PTPRC: variants seen among roughly 807,000 people sequenced by gnomAD.
The protein encoded by PTPRC is receptor-type tyrosine-protein phosphatase C.
A neutral mutation model predicts 155.9 loss-of-function variants in PTPRC; 44 were observed. The ratio of observed to expected loss-of-function variants is 0.28; its 90% CI spans 0.22 to 0.36. PTPRC has a LOEUF of 0.36. Among genes scored for constraint, PTPRC ranks in the 10% least tolerant of loss-of-function variants. The pLI is 1.00. For missense variants in PTPRC, 1,401 were observed against 1,564.6 expected (o/e 0.90, Z 1.76); for synonymous variants, 525 against 533.1 (o/e 0.98, Z 0.21).
In PTPRC at chr1:198,732,348, C is replaced by T. The variant is rs1558028673; in HGVS notation, c.2023C>T (p.Pro675Ser). ...GTTTCCTATAAAGGAAGCTCGAAAG[C>T]CCTTTAACCAGAATAAAAACCGTTA... Reference protein sequence around the residue: ...SKFPIKEARKPFNQNKNRYVD... With the variant: ...SKFPIKEARKSFNQNKNRYVD... Residue 675 changes from proline to serine, a missense_variant, in exon 19 of 33, where the codon CCC (proline) becomes TCC (serine). This residue lies in a region of PTPRC where 867 missense variants were observed against 970.4 expected (regional missense o/e 0.89). Transcript: ENST00000442510. The T allele has an allele frequency of 1.9e-6, 3 of 1,612,590 alleles. No homozygotes were observed. In the African/African-American group the frequency reaches 4.0e-5, roughly 22 times the overall value.
intron 3 of PTPRC, chr1:198,695,129 C>T (rs1666131809): frequency 1.1e-6 from 1 of 899,138 alleles, no homozygotes; most frequent in African/African-American, 1.8e-5. Context: ...TAAAAATTAA[C>T]TTTAGCTTTG....
At position 198,706,884 on chromosome 1, in the gene PTPRC, C is replaced by T. The variant is rs369888892; in HGVS notation, c.836C>T (p.Ala279Val). ...EVHNLTECKN[A>V]SVSISHNSCT... The stretch of plus-strand genomic sequence containing the variant: ...CATAACCTTACAGAATGTAAAAATG[C>T]GTCTGTTTCCATATCTCATAATTCA... The change falls in exon 9 of 33, where the codon GCG becomes GTG. Residue 279 changes from alanine to valine, a missense_variant. Ala to Val is a moderately conservative substitution (Grantham distance 64, BLOSUM62 0). Around this residue, in one of 3 missense-constraint regions of PTPRC, gnomAD observed 867 missense variants for 970.4 expected, o/e 0.89. Transcript: ENST00000442510. 2.1e-5 allele frequency: 34 copies of T among 1,613,242 alleles called. No individual in the cohort carries two copies. Among genetic ancestry groups the T allele is most frequent in the African/African-American group, 1.2e-4 (9 of 74,900 alleles).
At chr1:198,708,364 C>G in intron 10 of PTPRC, 103 bp downstream of exon 10, 1 of 1,129,244 alleles carries the variant, frequency 8.9e-7, no homozygotes, top group Non-Finnish European at 1.3e-6. Context: ...CTCCCTGCCT[C>G]TCTTGTTCTC....
rs1279234983 is a variant in PTPRC, at chr1:198,687,491, TA to T, written c.74-4853del. On this transcript the variant is annotated intron_variant, in intron 2 of 32. Coordinates refer to ENST00000442510, the MANE Select transcript of PTPRC (RefSeq NM_002838.5). ...AGATATTTGGTTTTATAGTTTTCTC[TA>T]AATAGTTAAGTACCTTCACCTACTC... is the stretch of plus-strand genomic sequence containing the variant. Among the ~76,000 whole-genome samples, 21 of 152,284 alleles carry T rather than the reference TA, an allele frequency of 1.4e-4. 1 individual carries two copies. Among genetic ancestry groups the T allele is most frequent in the Non-Finnish European group, 2.5e-4 (17 of 68,018 alleles).
In PTPRC at chr1:198,718,278, A is replaced by C; in HGVS notation, c.1635A>C (p.Gln545His). The change falls in exon 14 of 33, where the codon CAA becomes CAC. Residue 545 changes from glutamine (Q) to histidine (H), a missense_variant. By Grantham distance (24) the Gln-to-His change is conservative (BLOSUM62 0). Coordinates refer to ENST00000442510, the MANE Select transcript of PTPRC (RefSeq NM_002838.5). The stretch of plus-strand genomic sequence containing the variant: ...GCGATTTCCGTGTAAAAGATCTTCA[A>C]TATTCAACAGACTACACTTTTAAGG... The part of the protein sequence containing the change: ...KNCDFRVKDL[Q>H]YSTDYTFKAY... The C allele has an allele frequency of 6.2e-7, 1 of 1,613,502 alleles. No homozygotes were observed.
intron 2 of PTPRC, among the ~76,000 whole-genome samples, chr1:198,688,286 T>G (rs1665741900): frequency 6.6e-6 from 1 of 152,082 alleles, no homozygotes; most frequent in South Asian, 2.1e-4. Flanking sequence ...AGCATGAACA[T>G]AGAAGAAAGG....
At position 198,704,609 on chromosome 1, in the gene PTPRC, C is replaced by G. The variant is rs1414433458; in HGVS notation, c.685+111C>G. 3 of 1,592,586 alleles carry G rather than the reference C, an allele frequency of 1.9e-6. No individual in the cohort carries two copies. In the African/African-American group the frequency reaches 4.0e-5, roughly 21 times the overall value. The stretch of plus-strand genomic sequence containing the variant: ...CACTAGTAAGCTAAACTCACTGGCT[C>G]TAATTTCTCACCGATGACTAGTCTC... On this transcript the variant is annotated intron_variant, in intron 8 of 32. Transcript: ENST00000442510.
chr1:198,675,170 A>G (rs1664879490), intron 2 of PTPRC, among the ~76,000 whole-genome samples: 1 of 152,166 alleles, frequency 6.6e-6, no homozygotes, highest in African/African-American at 2.4e-5. Flanking sequence ...AGAATTTGAA[A>G]GAAAAAAATG....
rs1655687755 is a variant in PTPRC, at chr1:198,756,676, C to CAT, written c.*502_*503dup. ...CTCAAGATGTCCTCCTTGTTCTACT[C>CAT]ATATATATCTATCTTATATAGTTTA... On this transcript the variant is annotated 3_prime_UTR_variant, in exon 33 of 33. Transcript: ENST00000442510. 1.8e-5 allele frequency: 3 copies of CAT among 162,478 alleles called. No individual in the cohort carries two copies. The highest frequency in any genetic ancestry group is 3.2e-4 in the South Asian group (2 of 6,266). The allele number at this position is 162,478 out of a possible 1,614,324, so 10.1% of individuals were successfully genotyped here.
intron 3 of PTPRC, chr1:198,694,754 C>T: frequency 1.1e-6 from 1 of 951,872 alleles, no homozygotes; most frequent in Non-Finnish European, 1.3e-6. Flanking sequence ...TTTCCACTCC[C>T]TTTCTCCCAC....
intron 6 of PTPRC, among the ~76,000 whole-genome samples, chr1:198,702,979 G>T (rs1375883505): frequency 6.6e-6 from 1 of 152,152 alleles, no homozygotes; most frequent in Non-Finnish European, 1.5e-5. Flanking sequence ...AAGAGTAATT[G>T]TGACGCTTAT....
intron 15 of PTPRC, among the ~76,000 whole-genome samples, chr1:198,727,987 T>C (rs535204949): frequency 3.3e-5 from 5 of 152,270 alleles, no homozygotes; most frequent in Admixed American, 6.5e-5. Context: ...CTCCAAAATT[T>C]ATAATAACTG....
intron 2 of PTPRC, among the ~76,000 whole-genome samples, chr1:198,680,564 T>G (rs1000588050): frequency 6.6e-6 from 1 of 151,724 alleles, no homozygotes; most frequent in African/African-American, 2.4e-5. Context: ...GACTTTGGAA[T>G]CTCCTACTAA....
intron 32 of PTPRC, 87 bp from the exon 33 acceptor site, chr1:198,755,819 A>G (rs1655620070): frequency 7.4e-7 from 1 of 1,359,278 alleles, no homozygotes; most frequent in Non-Finnish European, 1.0e-6. Flanking sequence ...CCACAAATAA[A>G]TCATTAGTTC....
chr1:198,754,493 C>T, intron 32 of PTPRC, 89 bp downstream of exon 32: 3 of 1,463,262 alleles, frequency 2.1e-6, no homozygotes, highest in East Asian at 2.3e-5. Context: ...CTCTCCTTTC[C>T]TCTCGTTTGT....
Position 198,732,468 on chromosome 1 carries a change from T to G in PTPRC, c.2066-12T>G, listed in dbSNP as rs1654439601. The G allele has an allele frequency of 6.2e-7, 1 of 1,609,534 alleles. No homozygotes were observed. The highest frequency in any genetic ancestry group is 1.7e-5 in the Admixed American group (1 of 59,700). ...ACTATTTCACTTGTTTATTTTTCTT[T>G]TCCTTAAACAGATGATTATAACCGT... On this transcript the variant is annotated splice_polypyrimidine_tract_variant and intron_variant, in intron 19 of 32. Coordinates refer to ENST00000442510, the MANE Select transcript of PTPRC (RefSeq NM_002838.5).
In PTPRC at chr1:198,755,921, C is replaced by A. The variant is rs766000320; in HGVS notation, c.3661C>A (p.Leu1221Ile). The A allele has an allele frequency of 1.2e-6, 2 of 1,610,960 alleles. No individual in the cohort carries two copies. The highest frequency in any genetic ancestry group is 2.7e-5 in the African/African-American group (2 of 74,870). The stretch of plus-strand genomic sequence containing the variant: ...CCTTTACTAGGAGCAATATCAATTC[C>A]TATATGACGTCATTGCCAGCACCTA... The part of the protein sequence containing the change: ...MVSTFEQYQF[L>I]YDVIASTYPA... Residue 1221 changes from leucine to isoleucine, a missense_variant, in exon 33 of 33, where the codon CTA (leucine) becomes ATA (isoleucine). Coordinates refer to ENST00000442510, the MANE Select transcript of PTPRC (RefSeq NM_002838.5).
chr1:198,649,257 A>C (rs1663109389), intron 2 of PTPRC, among the ~76,000 whole-genome samples: 1 of 151,874 alleles, frequency 6.6e-6, no homozygotes, highest in African/African-American at 2.4e-5. Flanking sequence ...TTATAAAATA[A>C]GATTTTAACT....
chr1:198,712,895 G>T (rs1403952124), intron 11 of PTPRC, 58 bp from the exon 12 acceptor site: 6 of 1,524,814 alleles, frequency 3.9e-6, no homozygotes, highest in Non-Finnish European at 5.5e-6. Flanking sequence ...ATAATATGAA[G>T]AATGCTTTAT....
Sources: allele counts gnomAD v4.1 joint callset (sites outside exome capture counted in the v4.1 genomes callset), GRCh38; gene constraint gnomAD v4.1.1; regional missense constraint gnomAD v4.1.1; transcripts MANE v1.5; gene names NCBI Gene and HGNC (gene_info 2026-07-23, HGNC 2026-07-21).